AKAP9: variants seen among roughly 807,000 people sequenced by gnomAD.
AKAP9 encodes A-kinase anchoring protein 9, also known as A-kinase anchor protein 9.
AKAP9 carries 311 observed loss-of-function variants against 488.5 expected under a neutral mutation model. That is an observed-to-expected ratio of 0.64 (90% CI 0.58 to 0.70). The LOEUF is 0.70. Among genes scored for constraint, AKAP9 ranks in the 30% least tolerant of loss-of-function variants. The pLI is 0.00. For synonymous variants in AKAP9, 1,462 were observed against 1,483.5 expected (o/e 0.99, Z 0.33); for missense variants, 4,215 against 4,374.5 (o/e 0.96, Z 1.03).
chr7:92,090,369 A>C (rs1815322285), intron 38 of AKAP9: 1 of 152,282 alleles, frequency 6.6e-6, no homozygotes, highest in Non-Finnish European at 1.5e-5. Context: ...TTACACCTGT[A>C]ATCCCAGCAC....
chr7:92,081,024 T>C (rs1813463779), intron 31 of AKAP9, among the ~76,000 whole-genome samples: 1 of 152,138 alleles, frequency 6.6e-6, no homozygotes, highest in South Asian at 2.1e-4. Flanking sequence ...ACAGACTGTA[T>C]TTTATGGTCT....
At chr7:92,012,083 A>AGAGT (rs1800824067) in intron 8 of AKAP9, among the ~76,000 whole-genome samples, 1 of 152,230 alleles carries the variant, frequency 6.6e-6, no homozygotes, top group Non-Finnish European at 1.5e-5. Context: ...CCTGGGTGAC[A>AGAGT]GAGTGAGTAT....
intron 2 of AKAP9, among the ~76,000 whole-genome samples, chr7:91,976,085 A>G (rs1795651070): frequency 6.6e-6 from 1 of 150,806 alleles, no homozygotes; most frequent in African/African-American, 2.4e-5. Context: ...ATCACGCCCA[A>G]CTAATTTTTG....
chr7:92,072,941 G>A (rs982671821), intron 28 of AKAP9, among the ~76,000 whole-genome samples: 1 of 152,104 alleles, frequency 6.6e-6, no homozygotes, highest in Admixed American at 6.5e-5. Context: ...ACTTGATCAT[G>A]GTCACACCTT....
rs540664943 is a variant in AKAP9, at chr7:92,066,732, G to A, written c.6330+186G>A. Among the ~76,000 whole-genome samples, 47 of 152,242 alleles carry A rather than the reference G, an allele frequency of 3.1e-4. 1 individual carries two copies. In the South Asian group the frequency reaches 9.3e-3, roughly 30 times the overall value. ...TGAAAATTGTTGGTATTGAAATTTG[G>A]AATCATTTCCATCTGCATATGTCTT... On this transcript the variant is annotated intron_variant, in intron 26 of 49. Coordinates refer to ENST00000356239, the MANE Select transcript of AKAP9 (RefSeq NM_005751.5).
chr7:92,080,998 C>G (rs142621523), intron 31 of AKAP9, among the ~76,000 whole-genome samples: 78 of 152,214 alleles, frequency 5.1e-4, no homozygotes, highest in African/African-American at 1.8e-3. Context: ...ATATTATTAT[C>G]ACTAAAATAA....
At chr7:92,019,687 T>A (rs7786031) in intron 12 of AKAP9, among the ~76,000 whole-genome samples, 2 of 150,970 alleles carry the variant, frequency 1.3e-5, no homozygotes, top group African/African-American at 4.9e-5. Flanking sequence ...ATAGTTTTCC[T>A]TGGCAACATT....
intron 16 of AKAP9, among the ~76,000 whole-genome samples, chr7:92,034,894 A>G (rs924177202): frequency 4.6e-5 from 7 of 151,974 alleles, no homozygotes; most frequent in Non-Finnish European, 7.4e-5. Flanking sequence ...TATTGATTGT[A>G]TTGATAATAT....
rs1423868925 is a variant in AKAP9, at chr7:92,066,451, G to C, written c.6235G>C (p.Glu2079Gln). 1 of 1,613,326 alleles carries C rather than the reference G, an allele frequency of 6.2e-7. No homozygotes were observed. The highest frequency in any genetic ancestry group is 1.1e-5 in the South Asian group (1 of 91,058). The change falls in exon 26 of 50, where the codon GAG becomes CAG. Residue 2079 changes from glutamate to glutamine, a missense_variant. Coordinates refer to ENST00000356239, the MANE Select transcript of AKAP9 (RefSeq NM_005751.5). ...GGAGCAAGCCATTGACAGAGAACATGAGAGAGATGTATTCCAACAGGAAAT... is the reference window on the plus strand; with the variant it reads ...GGAGCAAGCCATTGACAGAGAACATCAGAGAGATGTATTCCAACAGGAAAT... ...LDEQAIDREH[E>Q]RDVFQQEIQK...
chr7:92,007,398 G>GA (rs1800055010), intron 8 of AKAP9, among the ~76,000 whole-genome samples: 1 of 148,650 alleles, frequency 6.7e-6, no homozygotes, highest in South Asian at 2.2e-4. Context: ...ATTACAGGTG[G>GA]CCTCCGCCAT....
rs1046597080 is a variant in AKAP9 at position 91,970,079 on chromosome 7, A to G, written c.49-3632A>G. 4.0e-5 allele frequency among the ~76,000 whole-genome samples: 6 copies of G among 151,554 alleles called. No individual in the cohort carries two copies. In the East Asian group the frequency reaches 5.8e-4, roughly 15 times the overall value. On this transcript the variant is annotated intron_variant, in intron 1 of 49. Transcript: ENST00000356239. Reference sequence around the variant, plus strand: ...ATTTTTTATTTGTAGTGAATTTATTATAGTTTTTGGCATTGTGGTCACCAT... The same window carrying G: ...ATTTTTTATTTGTAGTGAATTTATTGTAGTTTTTGGCATTGTGGTCACCAT...
chr7:92,009,905 G>A (rs1800450673), intron 8 of AKAP9, among the ~76,000 whole-genome samples: 2 of 151,990 alleles, frequency 1.3e-5, no homozygotes, highest in Admixed American at 6.6e-5. Flanking sequence ...TTTGAGATGA[G>A]GTCTTGCTCT....
intron 14 of AKAP9, among the ~76,000 whole-genome samples, chr7:92,024,137 C>T (rs541247824): frequency 1.3e-5 from 2 of 151,526 alleles, no homozygotes; most frequent in South Asian, 2.1e-4. Flanking sequence ...CTAGGCTGGT[C>T]GTGGTGGCTC....
Position 91,941,143 on chromosome 7 carries a change from C to G in AKAP9, c.44C>G (p.Ala15Gly). Residue 15 changes from alanine to glycine, a missense_variant, in exon 1 of 50, where the codon GCC becomes GGC. Transcript: ENST00000356239. ...CAGAAGAAGCTGGAGGCCGGCAAAG[C>G]CAAGGTAGGAGAGCCCGAGGCAACC... is the stretch of plus-strand genomic sequence containing the variant. ...ERQKKLEAGKAKLAQFRQRKA... is the reference protein window; with the variant it reads ...ERQKKLEAGKGKLAQFRQRKA... 6.2e-7 allele frequency: 1 copy of G among 1,613,986 alleles called. No individual in the cohort carries two copies. Among genetic ancestry groups the G allele is most frequent in the South Asian group, 1.1e-5 (1 of 91,076 alleles).
intron 7 of AKAP9, among the ~76,000 whole-genome samples, chr7:91,997,259 G>T (rs1798512457): frequency 6.6e-6 from 1 of 152,194 alleles, no homozygotes; most frequent in South Asian, 2.1e-4. Context: ...ATGAGTAGGA[G>T]AGCTGTGGCA....
In AKAP9 at chr7:92,097,636, A is replaced by G. The variant is rs1210897690; in HGVS notation, c.10449A>G (p.Gln3483=). ...ATAGAACTAGAAATTGGGTTCTTCA[A>G]CAGAAAATAGAAGGAGAAACAAAAG... ...TSDRTRNWVL[Q]QKIEGETKES... The change falls in exon 42 of 50, where the codon CAA becomes CAG. Residue 3483 remains glutamine, a synonymous_variant. Coordinates refer to ENST00000356239, the MANE Select transcript of AKAP9 (RefSeq NM_005751.5). 6.2e-7 allele frequency: 1 copy of G among 1,613,966 alleles called. No homozygotes were observed. Among genetic ancestry groups the G allele is most frequent in the Non-Finnish European group, 8.5e-7 (1 of 1,180,042 alleles).
chr7:92,005,690 G>A (rs865899167), intron 8 of AKAP9, among the ~76,000 whole-genome samples: 5 of 151,966 alleles, frequency 3.3e-5, no homozygotes, highest in Admixed American at 1.3e-4. Context: ...TTTTGAGACC[G>A]AGTCTCACTC....
chr7:92,086,803 C>T (rs879228522), intron 37 of AKAP9, among the ~76,000 whole-genome samples: 1 of 152,234 alleles, frequency 6.6e-6, no homozygotes, highest in South Asian at 2.1e-4. Flanking sequence ...AGCACATAAC[C>T]TTGTCTATAT....
Position 92,097,663 on chromosome 7 carries a change from A to C in AKAP9, c.10476A>C (p.Glu3492Asp). 6.2e-7 allele frequency: 1 copy of C among 1,614,226 alleles called. No individual in the cohort carries two copies. The highest frequency in any genetic ancestry group is 8.5e-7 in the Non-Finnish European group (1 of 1,180,020). The part of the protein sequence containing the change: ...LQQKIEGETK[E>D]SNYAKLIEMN... ...AGAAAATAGAAGGAGAAACAAAAGA[A>C]TCAAACTACGCTAAATTGATTGAAA... Residue 3492 changes from glutamate to aspartate, a missense_variant, in exon 42 of 50, where the codon GAA (glutamate) becomes GAC (aspartate). Around this residue, in one of 5 missense-constraint regions of AKAP9, gnomAD observed 1,476 missense variants for 1,477.4 expected, o/e 1.00. Coordinates refer to ENST00000356239, the MANE Select transcript of AKAP9 (RefSeq NM_005751.5).
Sources: allele counts gnomAD v4.1 joint callset (sites outside exome capture counted in the v4.1 genomes callset), GRCh38; gene constraint gnomAD v4.1.1; regional missense constraint gnomAD v4.1.1; transcripts MANE v1.5; gene names NCBI Gene and HGNC (gene_info 2026-07-23, HGNC 2026-07-21).